The following SUSD6 variants were observed in gnomAD, a reference collection of about 807,000 sequenced individuals.
SUSD6 encodes sushi domain-containing protein 6.
Under a neutral mutation model 28.4 loss-of-function variants are expected in SUSD6, and 16 were observed. The ratio of observed to expected loss-of-function variants is 0.56; its 90% CI spans 0.38 to 0.86. The LOEUF (loss-of-function observed/expected upper bound fraction) is 0.86. Among genes scored for constraint, SUSD6 ranks in the 40% least tolerant of loss-of-function variants. SUSD6 has a pLI of 0.00. For synonymous variants in SUSD6, 147 were observed against 159.6 expected, an observed-to-expected ratio of 0.92 and a Z score of 0.59; for missense variants, 341 against 384.2, an observed-to-expected ratio of 0.89 and a Z score of 0.94.
intron 4 of SUSD6, among the ~76,000 whole-genome samples, chr14:69,707,599 T>A (rs1048846437): frequency 2.0e-5 from 3 of 151,764 alleles, no homozygotes; most frequent in African/African-American, 7.3e-5. Flanking sequence ...CTACAAAAAA[T>A]TGGCCAGGCG....
In SUSD6 at chr14:69,712,096, C is replaced by A. The variant is rs2139650534; in HGVS notation, c.*1117C>A. The A allele has an allele frequency of 6.6e-6, 1 of 152,464 alleles. No homozygotes were observed. Among genetic ancestry groups the A allele is most frequent in the Middle Eastern group, 3.4e-3 (1 of 296 alleles). 9.4% of individuals were successfully genotyped at this position (152,464 alleles called of 1,614,324 possible). ...CTCCAGCCCGGTCCTGAGGATCCTC[C>A]TCACCATGGTCACGTGCCTTAGTAA... On this transcript the variant is annotated 3_prime_UTR_variant, in exon 6 of 6. Transcript: ENST00000342745.
intron 2 of SUSD6, among the ~76,000 whole-genome samples, chr14:69,672,598 A>C (rs151033767): frequency 3.9e-5 from 6 of 152,314 alleles, no homozygotes; most frequent in Non-Finnish European, 7.4e-5. Context: ...TGCCTGGCAC[A>C]TGGCAGTGGG....
intron 2 of SUSD6, among the ~76,000 whole-genome samples, chr14:69,680,132 C>T (rs1476911726): frequency 6.6e-6 from 1 of 152,176 alleles, no homozygotes; most frequent in African/African-American, 2.4e-5. Context: ...CTTGGGTTCA[C>T]TGGTTTTGCA....
chr14:69,634,884 T>C (rs1298591449), intron 1 of SUSD6, among the ~76,000 whole-genome samples: 1 of 152,250 alleles, frequency 6.6e-6, no homozygotes, highest in Admixed American at 6.5e-5. Flanking sequence ...AAAATGCTGT[T>C]GCTTTTGAAA....
At chr14:69,683,050 A>G (rs1458795465) in intron 2 of SUSD6, among the ~76,000 whole-genome samples, 1 of 150,168 alleles carries the variant, frequency 6.7e-6, no homozygotes, top group East Asian at 2.0e-4. Context: ...TCCTGTTTAA[A>G]CAGGGTGCCC....
intron 2 of SUSD6, among the ~76,000 whole-genome samples, chr14:69,674,871 A>C (rs1004494624): frequency 6.6e-6 from 1 of 152,226 alleles, no homozygotes; most frequent in Non-Finnish European, 1.5e-5. Flanking sequence ...ACTTTCAGGT[A>C]GCTCAGGCAC....
intron 1 of SUSD6, among the ~76,000 whole-genome samples, chr14:69,645,749 C>G (rs1595040005): frequency 6.6e-6 from 1 of 151,554 alleles, no homozygotes; most frequent in East Asian, 1.9e-4. Context: ...CGTCCACTTT[C>G]TCACTTTTTT....
intron 4 of SUSD6, among the ~76,000 whole-genome samples, chr14:69,705,102 G>C (rs1220522853): frequency 6.6e-6 from 1 of 152,002 alleles, no homozygotes; most frequent in Non-Finnish European, 1.5e-5. Flanking sequence ...GATTGCCTGA[G>C]GTCAGGAGTT....
At position 69,611,829 on chromosome 14, in the gene SUSD6, G is replaced by A. The variant is rs1386373803; in HGVS notation, c.-81+1G>A. 1 of 151,686 alleles carries A rather than the reference G, an allele frequency of 6.6e-6. No individual in the cohort carries two copies. Among genetic ancestry groups the A allele is most frequent in the Non-Finnish European group, 1.5e-5 (1 of 67,840 alleles). 9.4% of individuals were successfully genotyped at this position (151,686 alleles called of 1,614,324 possible). On this transcript the variant is annotated splice_donor_variant, in intron 1 of 5. Coordinates refer to ENST00000342745, the MANE Select transcript of SUSD6 (RefSeq NM_014734.4). LOFTEE classifies it low-confidence loss of function (5UTR_SPLICE). ...CCCGGAGGTCTCCGCCGGCTCCCGG[G>A]TGAGTTGTCACCGCGGCCCGGGGGC...
intron 2 of SUSD6, among the ~76,000 whole-genome samples, chr14:69,684,762 C>T (rs1886047977): frequency 6.6e-6 from 1 of 152,236 alleles, no homozygotes; most frequent in Non-Finnish European, 1.5e-5. Flanking sequence ...CACTGTTAGC[C>T]TTGACTTCCC....
intron 1 of SUSD6, among the ~76,000 whole-genome samples, chr14:69,632,821 C>T (rs773685489): frequency 6.6e-6 from 1 of 152,120 alleles, no homozygotes; most frequent in Non-Finnish European, 1.5e-5. Context: ...CCTGAGTCTT[C>T]CTGCTCTCAT....
chr14:69,658,634 TGCCGTG>T lies in SUSD6; in HGVS notation c.46_51del (p.Val16_Ala17del). 2.5e-6 allele frequency: 4 copies of T among 1,614,186 alleles called. No individual in the cohort carries two copies. The highest frequency in any genetic ancestry group is 3.4e-6 in the Non-Finnish European group (4 of 1,179,996). On this transcript the variant is annotated inframe_deletion, in exon 2 of 6. Coordinates refer to ENST00000342745, the MANE Select transcript of SUSD6 (RefSeq NM_014734.4). ...TAGCACCAAAGAGCACCTCAGTGTT[TGCCGTG>T]GCCTCCGTGGGACATGGAGTGTTCC... is the stretch of plus-strand genomic sequence containing the variant.
chr14:69,695,753 C>A (rs1886215842), intron 2 of SUSD6, among the ~76,000 whole-genome samples: 1 of 152,156 alleles, frequency 6.6e-6, no homozygotes, highest in Non-Finnish European at 1.5e-5. Flanking sequence ...CTGTGTAATG[C>A]ATTGTTATGT....
chr14:69,642,452 T>A (rs1885366203), intron 1 of SUSD6, among the ~76,000 whole-genome samples: 1 of 152,168 alleles, frequency 6.6e-6, no homozygotes, highest in Admixed American at 6.5e-5. Flanking sequence ...TGATTGGACT[T>A]ACAGTTCCAC....
chr14:69,688,304 A>T (rs190612514), intron 2 of SUSD6, among the ~76,000 whole-genome samples: 1 of 152,344 alleles, frequency 6.6e-6, no homozygotes, highest in East Asian at 1.9e-4. Context: ...TTGCAAATGT[A>T]GTCCTTCAAA....
intron 2 of SUSD6, among the ~76,000 whole-genome samples, chr14:69,685,038 C>G (rs907241499): frequency 6.6e-6 from 1 of 152,214 alleles, no homozygotes; most frequent in African/African-American, 2.4e-5. Flanking sequence ...TGGCTCTGCC[C>G]ACGTTTGCAG....
intron 2 of SUSD6, among the ~76,000 whole-genome samples, chr14:69,690,897 T>C (rs1886143578): frequency 6.6e-6 from 1 of 152,146 alleles, no homozygotes; most frequent in South Asian, 2.1e-4. Context: ...TCGTCCAGCC[T>C]TCTCCCCCCG....
At chr14:69,630,689 G>GA (rs3837665) in intron 1 of SUSD6, among the ~76,000 whole-genome samples, 38 of 151,310 alleles carry the variant, frequency 2.5e-4, no homozygotes, top group Admixed American at 2.4e-3. Flanking sequence ...AAAAAAAAAA[G>GA]AAAAAAACCT....
chr14:69,670,383 A>T (rs775367998), intron 2 of SUSD6: 27 of 444,602 alleles, frequency 6.1e-5, no homozygotes, highest in Non-Finnish European at 1.2e-4. Flanking sequence ...ATTCCATGTG[A>T]TACATGCTAT....
Sources: allele counts gnomAD v4.1 joint callset (sites outside exome capture counted in the v4.1 genomes callset), GRCh38; gene constraint gnomAD v4.1.1; transcripts MANE v1.5; gene names NCBI Gene and HGNC (gene_info 2026-07-23, HGNC 2026-07-21).